MRGPRF: variants seen among roughly 807,000 people sequenced by gnomAD.
MRGPRF encodes the protein mas-related G protein-coupled receptor member F.
In MRGPRF, 2 loss-of-function variants were observed where a neutral mutation model predicts 3.3. The observed-to-expected ratio is 0.61, with a 90% CI of 0.25 to 1.92. The LOEUF is 1.92. Among genes scored for constraint, MRGPRF ranks in the 40% most tolerant of loss-of-function variants. The pLI, the probability that MRGPRF is intolerant of heterozygous loss-of-function variation, is 0.16. For missense variants in MRGPRF, 500 were observed against 476.0 expected, an observed-to-expected ratio of 1.05 and a Z score of -0.47; for synonymous variants, 242 against 222.7, an observed-to-expected ratio of 1.09 and a Z score of -0.77.
intron 1 of MRGPRF, among the ~76,000 whole-genome samples, chr11:69,010,886 C>T (rs1353701972): frequency 6.6e-6 from 1 of 152,128 alleles, no homozygotes; most frequent in Non-Finnish European, 1.5e-5. Flanking sequence ...AGCTTCACCC[C>T]TTGGAGGAAG....
At chr11:69,008,566 T>G (rs1009272656) in intron 2 of MRGPRF, among the ~76,000 whole-genome samples, 9 of 152,150 alleles carry the variant, frequency 5.9e-5, no homozygotes, top group African/African-American at 2.2e-4. Flanking sequence ...TTGGCAAAAC[T>G]CTGGGGAGAC....
Position 69,005,690 on chromosome 11 carries a change from A to C in MRGPRF, c.620T>G (p.Leu207Arg). Residue 207 changes from leucine (L) to arginine (R), a missense_variant, in exon 3 of 3, where the codon CTG becomes CGG. Leu to Arg is a moderately radical substitution (Grantham distance 102). Coordinates refer to ENST00000309099, the MANE Select transcript of MRGPRF (RefSeq NM_145015.5). ...MDIFLGILLF[L>R]LCCPLMVLPC... ...CAGCACCATGAGCGGGCAGCAGAGC[A>C]GGAACAGGAGGATGCCCAGGAAGAT... 6.4e-7 allele frequency: 1 copy of C among 1,551,106 alleles called. No individual in the cohort carries two copies. Among genetic ancestry groups the C allele is most frequent in the African/African-American group, 1.4e-5 (1 of 73,180 alleles).
chr11:69,006,619 C>CTTTTTTTTTTTTTTTTT (rs11326908), intron 2 of MRGPRF, among the ~76,000 whole-genome samples: 1 of 107,936 alleles, frequency 9.3e-6, no homozygotes, highest in African/African-American at 3.7e-5. Context: ...GAGCCTTTCC[C>CTTTTTTTTTTTTTTTTT]TTTTTTTTTT....
intron 2 of MRGPRF, chr11:69,009,613 A>G: frequency 1.6e-6 from 1 of 625,360 alleles, no homozygotes; most frequent in South Asian, 1.8e-5. Flanking sequence ...GTGTCAGCAC[A>G]GCGAGGGACC....
chr11:69,006,365 C>G, intron 2 of MRGPRF, 104 bp from the exon 3 acceptor site: 60 of 1,098,064 alleles, frequency 5.5e-5, no homozygotes, highest in Non-Finnish European at 5.6e-5. Flanking sequence ...CAATTAGGGA[C>G]TTGGGGCAGG....
rs1265454846 is a variant in MRGPRF at position 69,009,927 on chromosome 11, C to CTCACA, written c.-27_-26insTGTGA. On this transcript the variant is annotated 5_prime_UTR_variant, in exon 2 of 3. In the 5' UTR this introduces an upstream ATG that the reference lacks. Transcript: ENST00000309099. ...CTCCAGGCCTGGCGCGTCTGGGCCC[C>CTCACA]TGCTGGCAGCTCACCAGTCTGCACA... 1.3e-6 allele frequency: 2 copies of CTCACA among 1,593,412 alleles called. No individual in the cohort carries two copies. Among genetic ancestry groups the CTCACA allele is most frequent in the South Asian group, 2.3e-5 (2 of 88,216 alleles).
rs187962696 is a variant in MRGPRF at position 69,009,770 on chromosome 11, G to C, written c.48+84C>G. 1,613 of 1,480,358 alleles carry C rather than the reference G, an allele frequency of 1.1e-3. 1 individual carries two copies. The highest frequency in any genetic ancestry group is 1.4e-3 in the Non-Finnish European group (1,505 of 1,071,612). 91.7% of individuals were successfully genotyped at this position (1,480,358 alleles called of 1,614,324 possible). A position where few individuals can be genotyped will look rare whatever the true frequency, so the allele number is the denominator to read the frequency against. On this transcript the variant is annotated intron_variant, in intron 2 of 2. Coordinates refer to ENST00000309099, the MANE Select transcript of MRGPRF (RefSeq NM_145015.5). ...AAAGTGGGGCCAGGAAGGGGGGGATGGGGGAGGAGATGCTGGGCTGGGTCT... is the reference window on the plus strand; with the variant it reads ...AAAGTGGGGCCAGGAAGGGGGGGATCGGGGAGGAGATGCTGGGCTGGGTCT...
In MRGPRF at chr11:69,006,335, G is replaced by A. The variant is rs563877074; in HGVS notation, c.49-74C>T. The A allele has an allele frequency of 6.2e-5, 87 of 1,406,318 alleles. 2 individuals are homozygous for A. The East Asian group carries it at 1.0e-3, about 17-fold the overall frequency. 87.1% of individuals were successfully genotyped at this position (1,406,318 alleles called of 1,614,324 possible). A position where few individuals can be genotyped will look rare whatever the true frequency, so the allele number is the denominator to read the frequency against. ...CACAGACCTGCATCTGGGGCCCAGC[G>A]TGGGGGAGGGGGGGGGTCCCAATTA... On this transcript the variant is annotated intron_variant, in intron 2 of 2. Coordinates refer to ENST00000309099, the MANE Select transcript of MRGPRF (RefSeq NM_145015.5).
chr11:69,006,801 T>G (rs1860501166), intron 2 of MRGPRF, among the ~76,000 whole-genome samples: 1 of 152,064 alleles, frequency 6.6e-6, no homozygotes, highest in Non-Finnish European at 1.5e-5. Flanking sequence ...TTTTTGTATT[T>G]TCAGTAGAGA....
Position 69,005,984 on chromosome 11 carries a change from C to A in MRGPRF, c.326G>T (p.Gly109Val), listed in dbSNP as rs1209793175. The A allele has an allele frequency of 1.3e-6, 2 of 1,564,846 alleles. No homozygotes were observed. Among genetic ancestry groups the A allele is most frequent in the Non-Finnish European group, 8.7e-7 (1 of 1,154,602 alleles). Residue 109 changes from glycine (G) to valine (V), a missense_variant, in exon 3 of 3, where the codon GGC becomes GTC. Transcript: ENST00000309099. ...GCTGCGGATGTAGTCGGCAAACGTGCCCAGGAAGCCCCCCGTGTTCAGGAT... is the reference window on the plus strand; with the variant it reads ...GCTGCGGATGTAGTCGGCAAACGTGACCAGGAAGCCCCCCGTGTTCAGGAT... ...FSILNTGGFL[G>V]TFADYIRSVC...
intron 2 of MRGPRF, among the ~76,000 whole-genome samples, chr11:69,008,365 C>T (rs537313607): frequency 2.6e-4 from 40 of 152,304 alleles, no homozygotes; most frequent in South Asian, 1.0e-3. Flanking sequence ...TCCCACTGCT[C>T]AGGGCTCCCT....
At position 69,005,672 on chromosome 11, in the gene MRGPRF, A is replaced by G. The variant is rs1366605918; in HGVS notation, c.638T>C (p.Met213Thr). Residue 213 changes from methionine to threonine, a missense_variant, in exon 3 of 3, where the codon ATG becomes ACG. By Grantham distance (81) the Met-to-Thr change is moderately conservative. Transcript: ENST00000309099. ...ILLFLLCCPL[M>T]VLPCLALILH... ...GATGAGGGCCAGGCAGGGCAGCACC[A>G]TGAGCGGGCAGCAGAGCAGGAACAG... 4 of 1,551,638 alleles carry G rather than the reference A, an allele frequency of 2.6e-6. No homozygotes were observed. The highest frequency in any genetic ancestry group is 3.5e-6 in the Non-Finnish European group (4 of 1,147,384).
chr11:69,012,033 C>G (rs1319717930), intron 1 of MRGPRF, among the ~76,000 whole-genome samples: 4 of 152,236 alleles, frequency 2.6e-5, no homozygotes, highest in Non-Finnish European at 4.4e-5. Flanking sequence ...TAGAAGCCAG[C>G]AGACCCCAGA....
intron 2 of MRGPRF, among the ~76,000 whole-genome samples, chr11:69,008,449 A>C (rs1860530381): frequency 2.0e-5 from 3 of 152,182 alleles, no homozygotes; most frequent in African/African-American, 7.2e-5. Flanking sequence ...CTCTGGCAGA[A>C]AGCTGGGTCC....
chr11:69,011,739 C>T (rs1860601620), intron 1 of MRGPRF, among the ~76,000 whole-genome samples: 1 of 152,188 alleles, frequency 6.6e-6, no homozygotes, highest in Admixed American at 6.5e-5. Flanking sequence ...TTCTGGACAC[C>T]CACCACCCCT....
Position 69,005,242 on chromosome 11 carries a change from C to G in MRGPRF, c.*36G>C. The G allele has an allele frequency of 2.1e-6, 3 of 1,455,088 alleles. No homozygotes were observed. The highest frequency in any genetic ancestry group is 2.7e-6 in the Non-Finnish European group (3 of 1,110,248). The allele number at this position is 1,455,088 out of a possible 1,614,324, so 90.1% of individuals were successfully genotyped here. ...TCCCAAGGCGAAGGGTCTTGGAGGCCGCTTCCTGCCCCTGCCTCCTCCAGG... is the reference window on the plus strand; with the variant it reads ...TCCCAAGGCGAAGGGTCTTGGAGGCGGCTTCCTGCCCCTGCCTCCTCCAGG... On this transcript the variant is annotated 3_prime_UTR_variant, in exon 3 of 3. Transcript: ENST00000309099.
intron 2 of MRGPRF, among the ~76,000 whole-genome samples, chr11:69,007,878 C>G (rs188834873): frequency 4.9e-4 from 75 of 152,198 alleles, no homozygotes; most frequent in Admixed American, 3.6e-3. Flanking sequence ...TATCAAGCTG[C>G]AGGGAAGCAT....
In MRGPRF at chr11:69,005,156, CGAGGA is replaced by C. The variant is rs1352378333; in HGVS notation, c.*117_*121del. The C allele has an allele frequency of 8.6e-6, 11 of 1,282,364 alleles. No homozygotes were observed. Among genetic ancestry groups the C allele is most frequent in the Non-Finnish European group, 1.1e-5 (11 of 965,058 alleles). The allele number at this position is 1,282,364 out of a possible 1,614,324, so 79.4% of individuals were successfully genotyped here. A position where few individuals can be genotyped will look rare whatever the true frequency, so the allele number is the denominator to read the frequency against. On this transcript the variant is annotated 3_prime_UTR_variant, in exon 3 of 3. Coordinates refer to ENST00000309099, the MANE Select transcript of MRGPRF (RefSeq NM_145015.5). ...TCCCCAGCCCAGGGAGAAGGAGGCC[CGAGGA>C]GAGGAAACAGATCTTTCTTCTCCTG...
Position 69,006,236 on chromosome 11 carries a change from G to C in MRGPRF, c.74C>G (p.Pro25Arg), listed in dbSNP as rs753009981. The change falls in exon 3 of 3, where the codon CCG becomes CGG. Residue 25 changes from proline to arginine, a missense_variant. Transcript: ENST00000309099. Reference sequence around the variant, plus strand: ...CAGGAAGCCCCGGCTGTAGAGTTCCGGGGCCTCGCTCAGGCCAGGGCACAT... The same window carrying C: ...CAGGAAGCCCCGGCTGTAGAGTTCCCGGGCCTCGCTCAGGCCAGGGCACAT... ...NKMCPGLSEAPELYSRGFLTI... is the reference protein window; with the variant it reads ...NKMCPGLSEARELYSRGFLTI... 3 of 1,612,334 alleles carry C rather than the reference G, an allele frequency of 1.9e-6. 1 individual carries two copies. In the South Asian group the frequency reaches 3.3e-5, roughly 18 times the overall value.
Sources: gnomAD v4.1 joint callset for allele counts (sites outside exome capture counted in the v4.1 genomes callset) on GRCh38, gnomAD v4.1.1 for gene constraint, MANE v1.5 for transcripts, NCBI Gene and HGNC (gene_info 2026-07-23, HGNC 2026-07-21) for gene names.